Variants in CATSPERT observed in about 807,000 individuals in gnomAD.
CATSPERT encodes the protein catsper channel auxiliary subunit tau, also known as cation channel sperm-associated targeting subunit tau.
At chr2:201,511,119 T>C in the CATSPERT span, among the ~76,000 whole-genome samples, 5 of 152,222 alleles carry the variant, frequency 3.3e-5, no homozygotes, top group Admixed American at 3.3e-4. Context: ...TATTATTTTG[T>C]GCATCAAATT....
the CATSPERT span, among the ~76,000 whole-genome samples, chr2:201,593,422 T>C: frequency 6.6e-6 from 1 of 152,010 alleles, no homozygotes; most frequent in East Asian, 1.9e-4. Context: ...AATTTTGGAA[T>C]AGGTGTGTTA....
At chr2:201,495,056 G>A in the CATSPERT span, among the ~76,000 whole-genome samples, 8 of 151,926 alleles carry the variant, frequency 5.3e-5, no homozygotes, top group South Asian at 4.2e-4. Flanking sequence ...TTTTAACAAC[G>A]CAATTTCTGG....
At chr2:201,562,257 G>A in the CATSPERT span, among the ~76,000 whole-genome samples, 1 of 143,378 alleles carries the variant, frequency 7.0e-6, no homozygotes, top group Non-Finnish European at 1.5e-5. Context: ...GCGCGATCTC[G>A]GCTCACTGAA....
At chr2:201,509,595 T>C in the CATSPERT span, among the ~76,000 whole-genome samples, 1 of 151,044 alleles carries the variant, frequency 6.6e-6, no homozygotes, top group Non-Finnish European at 1.5e-5. Flanking sequence ...AAGATATCTA[T>C]ACTAAAACCA....
chr2:201,586,375 A>G, the CATSPERT span, among the ~76,000 whole-genome samples: 2 of 152,142 alleles, frequency 1.3e-5, no homozygotes, highest in Non-Finnish European at 2.9e-5. Flanking sequence ...GAAAAAAATA[A>G]TCCATGGTTC....
At chr2:201,604,618 C>T in the CATSPERT span, 1 of 1,594,058 alleles carries the variant, frequency 6.3e-7, no homozygotes. Flanking sequence ...TACCACATCC[C>T]CAAATGGCAC....
At chr2:201,520,157 C>A in the CATSPERT span, among the ~76,000 whole-genome samples, 3 of 152,058 alleles carry the variant, frequency 2.0e-5, no homozygotes, top group African/African-American at 4.8e-5. Flanking sequence ...TACCACAGCA[C>A]CCAGATATAT....
chr2:201,554,318 G>C, the CATSPERT span: 9 of 151,904 alleles, frequency 5.9e-5, no homozygotes, highest in Admixed American at 2.0e-4. Flanking sequence ...CCATAGGCCT[G>C]GCATTACTAA....
the CATSPERT span, among the ~76,000 whole-genome samples, chr2:201,591,147 G>C: frequency 6.6e-6 from 1 of 152,128 alleles, no homozygotes; most frequent in Non-Finnish European, 1.5e-5. Flanking sequence ...AATCCATCTT[G>C]AATTGATTTT....
chr2:201,590,400 G>T, the CATSPERT span, among the ~76,000 whole-genome samples: 1 of 152,032 alleles, frequency 6.6e-6, no homozygotes, highest in African/African-American at 2.4e-5. Flanking sequence ...CGACATTTGG[G>T]TTGGTTCCAA....
the CATSPERT span, among the ~76,000 whole-genome samples, chr2:201,614,433 C>G: frequency 6.6e-6 from 1 of 152,260 alleles, no homozygotes; most frequent in East Asian, 1.9e-4. Flanking sequence ...GAATTTTCAA[C>G]CCAGAATTTC....
At chr2:201,497,110 C>A in the CATSPERT span, among the ~76,000 whole-genome samples, 2 of 152,174 alleles carry the variant, frequency 1.3e-5, no homozygotes, top group South Asian at 2.1e-4. Context: ...AATAACAATT[C>A]AATGAGTAAC....
the CATSPERT span, among the ~76,000 whole-genome samples, chr2:201,562,522 AT>A: frequency 1.8e-5 from 2 of 113,274 alleles, no homozygotes; most frequent in African/African-American, 3.1e-5. Context: ...TTATTTATTT[AT>A]TTATTTTTTT....
chr2:201,584,744 C>T, the CATSPERT span, among the ~76,000 whole-genome samples: 8 of 151,904 alleles, frequency 5.3e-5, no homozygotes, highest in African/African-American at 1.9e-4. Context: ...GATCGTGCCA[C>T]TGCACTCCAG....
At chr2:201,607,748 C>G in the CATSPERT span, among the ~76,000 whole-genome samples, 1 of 152,326 alleles carries the variant, frequency 6.6e-6, no homozygotes, top group African/African-American at 2.4e-5. Flanking sequence ...ACCGAATTGC[C>G]TTTCCCAAAA....
the CATSPERT span, among the ~76,000 whole-genome samples, chr2:201,615,733 A>G: frequency 6.6e-6 from 1 of 152,220 alleles, no homozygotes; most frequent in Non-Finnish European, 1.5e-5. Flanking sequence ...AGATAGAGAC[A>G]CAAAAAAACC....
chr2:201,517,268 G>C, the CATSPERT span, among the ~76,000 whole-genome samples: 1 of 152,068 alleles, frequency 6.6e-6, no homozygotes, highest in Non-Finnish European at 1.5e-5. Flanking sequence ...CCCAGCCTCT[G>C]AACAGTCATT....
At chr2:201,514,936 A>G in the CATSPERT span, among the ~76,000 whole-genome samples, 1 of 152,190 alleles carries the variant, frequency 6.6e-6, no homozygotes, top group Non-Finnish European at 1.5e-5. Flanking sequence ...TATTGCCTAA[A>G]TTAATGGCTG....
At chr2:201,586,128 C>G in the CATSPERT span, among the ~76,000 whole-genome samples, 1 of 152,076 alleles carries the variant, frequency 6.6e-6, no homozygotes, top group African/African-American at 2.4e-5. Flanking sequence ...GTTTTCTTTT[C>G]TCTAGTTGCG....
Sources: gnomAD v4.1 joint callset for allele counts (sites outside exome capture counted in the v4.1 genomes callset) on GRCh38, gnomAD v4.1.1 for gene constraint, MANE v1.5 for transcripts, NCBI Gene and HGNC (gene_info 2026-07-23, HGNC 2026-07-21) for gene names.